ARHGEF11: variants seen among roughly 807,000 people sequenced by gnomAD.
ARHGEF11 encodes the protein Rho guanine nucleotide exchange factor 11, also known as Rho guanine exchange factor (GEF) 11.
A neutral mutation model predicts 193.7 loss-of-function variants in ARHGEF11; 55 were observed. The observed-to-expected ratio is 0.28, with a 90% CI of 0.23 to 0.36. ARHGEF11 has a LOEUF of 0.36. ARHGEF11 is among the 10% of genes least tolerant of loss of function. ARHGEF11 has a pLI of 1.00. For missense variants in ARHGEF11, 1,723 were observed against 2,005.6 expected (o/e 0.86, Z 2.69); for synonymous variants, 693 against 768.0 (o/e 0.90, Z 1.62).
chr1:156,936,718 T>C, intron 40 of ARHGEF11, 98 bp downstream of exon 40: 1 of 1,385,814 alleles, frequency 7.2e-7, no homozygotes. Flanking sequence ...GAAACCACTC[T>C]CAGAACCACC....
At chr1:156,981,459 T>C (rs201754291) in intron 3 of ARHGEF11, among the ~76,000 whole-genome samples, 2 of 152,168 alleles carry the variant, frequency 1.3e-5, no homozygotes, top group East Asian at 3.8e-4. Context: ...GAGGCTACAG[T>C]GGTTTTGACC....
chr1:157,042,154 G>C (rs139725401), intron 1 of ARHGEF11, among the ~76,000 whole-genome samples: 54 of 152,236 alleles, frequency 3.5e-4, no homozygotes, highest in African/African-American at 1.3e-3. Context: ...ATGGGGAAGA[G>C]AATCAGGCAG....
chr1:157,034,952 G>A (rs1322807977), intron 1 of ARHGEF11, among the ~76,000 whole-genome samples: 1 of 152,166 alleles, frequency 6.6e-6, no homozygotes, highest in African/African-American at 2.4e-5. Context: ...TAATGGAGTT[G>A]GGAGAAGACA....
In ARHGEF11 at chr1:156,948,571, AC is replaced by A. The variant is rs1182853368; in HGVS notation, c.1926-74del. On this transcript the variant is annotated intron_variant, in intron 22 of 40. Coordinates refer to ENST00000368194, the MANE Select transcript of ARHGEF11 (RefSeq NM_198236.3). The surrounding 1 kb of genome is among the most constrained non-coding windows in gnomAD (Gnocchi z 4.2). ...CATGCTTACATCCTGGCTAACTCTTACCTGTGGCTCCATCTCAAAGATGCCT... is the reference window on the plus strand; with the variant it reads ...CATGCTTACATCCTGGCTAACTCTTACTGTGGCTCCATCTCAAAGATGCCT... The A allele has an allele frequency of 1.9e-6, 3 of 1,612,712 alleles. No individual in the cohort carries two copies. In the African/African-American group the frequency reaches 4.0e-5, roughly 22 times the overall value.
rs1657606176 is a variant in ARHGEF11, at chr1:156,943,957, C to T, written c.3213G>A (p.Val1071=). ...TFSPVLKLNA[V]LIRSVATDKR... is the part of the protein sequence containing the mutation. ...TACCTGTGGCCACAGAGCGGATGAG[C>T]ACAGCATTGAGCTTGAGCACGGGGC... Residue 1071 remains valine, a synonymous_variant, in exon 32 of 41, where the codon GTG becomes GTA. Transcript: ENST00000368194. 1 of 1,613,714 alleles carries T rather than the reference C, an allele frequency of 6.2e-7. No individual in the cohort carries two copies. The highest frequency in any genetic ancestry group is 1.3e-5 in the African/African-American group (1 of 74,938).
At chr1:157,020,339 GA>G (rs1304015719) in intron 1 of ARHGEF11, among the ~76,000 whole-genome samples, 1 of 151,878 alleles carries the variant, frequency 6.6e-6, no homozygotes, top group Admixed American at 6.6e-5. Context: ...ACAGCATTAA[GA>G]AAAAAAATTA....
chr1:156,973,133 G>A (rs192651630), intron 7 of ARHGEF11, among the ~76,000 whole-genome samples: 3 of 151,980 alleles, frequency 2.0e-5, no homozygotes, highest in Non-Finnish European at 2.9e-5. Flanking sequence ...GGCTTGCTAT[G>A]TTGCCCAGGG....
chr1:156,939,421 G>A lies in ARHGEF11; in HGVS notation c.4096+127C>T, dbSNP rs530496669. 3.0e-6 allele frequency: 4 copies of A among 1,336,314 alleles called. No homozygotes were observed. The African/African-American group carries it at 4.4e-5, about 15-fold the overall frequency. 82.8% of individuals were successfully genotyped at this position (1,336,314 alleles called of 1,614,324 possible). ...TATCGGCGTTGTCTCCTTCTTCCAG[G>A]ACCCAGCGTAGGTCTCTGCTCACAC... is the stretch of plus-strand genomic sequence containing the variant. On this transcript the variant is annotated intron_variant, in intron 37 of 40. Transcript: ENST00000368194.
intron 1 of ARHGEF11, among the ~76,000 whole-genome samples, chr1:156,997,867 A>G (rs112996808): frequency 1.1e-4 from 17 of 151,376 alleles, no homozygotes; most frequent in African/African-American, 4.1e-4. Context: ...TTTTTTTACT[A>G]TGGCTACTAG....
At chr1:156,940,147 G>T in intron 36 of ARHGEF11, 60 bp downstream of exon 36, 5 of 1,511,350 alleles carry the variant, frequency 3.3e-6, no homozygotes, top group Non-Finnish European at 4.4e-6. Flanking sequence ...GCGCCTGCCA[G>T]TTCACACTGG....
intron 1 of ARHGEF11, among the ~76,000 whole-genome samples, chr1:157,041,634 C>T (rs1672763851): frequency 6.6e-6 from 1 of 152,086 alleles, no homozygotes; most frequent in African/African-American, 2.4e-5. Context: ...TGAAACAACC[C>T]GCAATGAAAT....
At chr1:157,031,927 T>C (rs1671359082) in intron 1 of ARHGEF11, among the ~76,000 whole-genome samples, 1 of 152,322 alleles carries the variant, frequency 6.6e-6, no homozygotes, top group African/African-American at 2.4e-5. Flanking sequence ...CCAAGGATCC[T>C]TACCACTGGA....
chr1:156,934,861 TAAAA>T lies in ARHGEF11; in HGVS notation c.*1135_*1138del, dbSNP rs561157526. Reference sequence around the variant, plus strand: ...CCACTGAAGGATATTTAACTTTTCTTAAAAAAAAAATCTTAACCATGAAAGGAAG... The same window carrying T: ...CCACTGAAGGATATTTAACTTTTCTTAAAAAATCTTAACCATGAAAGGAAG... On this transcript the variant is annotated 3_prime_UTR_variant, in exon 41 of 41. Coordinates refer to ENST00000368194, the MANE Select transcript of ARHGEF11 (RefSeq NM_198236.3). 6.8e-6 allele frequency: 1 copy of T among 147,536 alleles called. No homozygotes were observed. The highest frequency in any genetic ancestry group is 1.5e-5 in the Non-Finnish European group (1 of 66,908). 9.1% of individuals were successfully genotyped at this position (147,536 alleles called of 1,614,324 possible).
At chr1:157,022,773 T>C (rs547777188) in intron 1 of ARHGEF11, among the ~76,000 whole-genome samples, 1 of 152,300 alleles carries the variant, frequency 6.6e-6, no homozygotes, top group South Asian at 2.1e-4. Flanking sequence ...CAAAACCTAT[T>C]ACCAAGCTTC....
At chr1:156,973,345 C>A (rs1175737900) in intron 7 of ARHGEF11, among the ~76,000 whole-genome samples, 4 of 152,158 alleles carry the variant, frequency 2.6e-5, no homozygotes, top group Admixed American at 2.6e-4. Context: ...GCTACTCTTT[C>A]AAAAATCAAA....
At chr1:156,984,506 AC>A in intron 2 of ARHGEF11, 69 bp from the exon 3 acceptor site, 1 of 1,165,288 alleles carries the variant, frequency 8.6e-7, no homozygotes, top group Non-Finnish European at 1.2e-6. Flanking sequence ...GCCAAGACCA[AC>A]CCAGGGAAGC....
In ARHGEF11 at chr1:156,939,914, G is replaced by A; in HGVS notation, c.3734-4C>T. On this transcript the variant is annotated splice_region_variant and splice_polypyrimidine_tract_variant and intron_variant, in intron 36 of 40. Coordinates refer to ENST00000368194, the MANE Select transcript of ARHGEF11 (RefSeq NM_198236.3). ...ATCAGATGTCGCAGGTTCTCCACTG[G>A]AGGGGAAACAGGGTGATGTCTTCCC... The A allele has an allele frequency of 1.2e-6, 2 of 1,600,778 alleles. No individual in the cohort carries two copies. The highest frequency in any genetic ancestry group is 1.7e-6 in the Non-Finnish European group (2 of 1,179,284).
chr1:156,978,411 C>T, intron 5 of ARHGEF11, 29 bp from the exon 6 acceptor site: 2 of 1,561,406 alleles, frequency 1.3e-6, no homozygotes, highest in Non-Finnish European at 1.7e-6. Flanking sequence ...AGACTTGTTC[C>T]AGGAGTGCTG....
chr1:157,010,654 C>T (rs1668434246), intron 1 of ARHGEF11, among the ~76,000 whole-genome samples: 1 of 152,172 alleles, frequency 6.6e-6, no homozygotes, highest in Admixed American at 6.5e-5. Context: ...GCGATCCTCC[C>T]ATCTCAGCCT....
Sources: gnomAD v4.1 joint callset for allele counts (sites outside exome capture counted in the v4.1 genomes callset) on GRCh38, gnomAD v4.1.1 for gene constraint, Gnocchi (gnomAD v3.1) non-coding constraint, MANE v1.5 for transcripts, NCBI Gene and HGNC (gene_info 2026-07-23, HGNC 2026-07-21) for gene names.